NCKAP5L: variants seen among roughly 807,000 people sequenced by gnomAD.
NCKAP5L encodes the protein nck-associated protein 5-like.
A neutral mutation model predicts 103.2 loss-of-function variants in NCKAP5L; 54 were observed. The observed-to-expected ratio is 0.52, with a 90% CI of 0.42 to 0.66. The LOEUF is 0.66. NCKAP5L is among the 30% of genes least tolerant of loss of function. The pLI is 0.00. For synonymous variants in NCKAP5L, 762 were observed against 748.6 expected (o/e 1.02, Z -0.29); for missense variants, 1,733 against 1,750.6 (o/e 0.99, Z 0.18).
chr12:49,820,063 G>A (rs533747036), intron 1 of NCKAP5L, among the ~76,000 whole-genome samples: 4 of 152,302 alleles, frequency 2.6e-5, no homozygotes, highest in African/African-American at 4.8e-5. Context: ...TCCCCTGGCC[G>A]AATTAGGGAG....
chr12:49,795,887 C>A lies in NCKAP5L; in HGVS notation c.1973G>T (p.Ser658Ile). 5 of 1,545,188 alleles carry A rather than the reference C, an allele frequency of 3.2e-6. No homozygotes were observed. The highest frequency in any genetic ancestry group is 4.3e-6 in the Non-Finnish European group (5 of 1,152,334). Residue 658 changes from serine to isoleucine, a missense_variant, in exon 8 of 13, where the codon AGC (serine) becomes ATC (isoleucine). Physicochemically the swap from Ser to Ile is moderately radical, Grantham distance 142. Transcript: ENST00000335999. ...GSGRRPGDPG[S>I]TPLRDRLAAL... is the part of the protein sequence containing the mutation. ...CGCCAGTCTGTCCCGCAGAGGTGTG[C>A]TGCCAGGATCCCCAGGTCGCCGTCC... is the stretch of plus-strand genomic sequence containing the variant.
In NCKAP5L at chr12:49,797,121, C is replaced by A. The variant is rs773696991; in HGVS notation, c.739G>T (p.Gly247Cys). ...PSPWAPCLLL[G>C]PGNLGGLLHW... Reference sequence around the variant, plus strand: ...AGCAGGCCTCCCAGGTTGCCAGGGCCTAGCAGCAGGCAGGGCGCCCAGGGT... The same window carrying A: ...AGCAGGCCTCCCAGGTTGCCAGGGCATAGCAGCAGGCAGGGCGCCCAGGGT... The change falls in exon 8 of 13, where the codon GGC becomes TGC. Residue 247 changes from glycine to cysteine, a missense_variant. Gly to Cys is a radical substitution (Grantham distance 159, BLOSUM62 -3). Transcript: ENST00000335999. This position sits in a 1 kb window ranked among gnomAD's most constrained non-coding sequence, Gnocchi z 4.5. 6.2e-6 allele frequency: 10 copies of A among 1,600,326 alleles called. No individual in the cohort carries two copies. In the South Asian group the frequency reaches 1.1e-4, roughly 18 times the overall value.
At chr12:49,801,239 C>A (rs1269667094) in intron 6 of NCKAP5L, among the ~76,000 whole-genome samples, 1 of 152,190 alleles carries the variant, frequency 6.6e-6, no homozygotes, top group Non-Finnish European at 1.5e-5. Flanking sequence ...ACCTCAGAAA[C>A]AACCTGCTGC....
At position 49,797,430 on chromosome 12, in the gene NCKAP5L, C is replaced by G. The variant is rs745725265; in HGVS notation, c.466-36G>C. 6.8e-7 allele frequency: 1 copy of G among 1,479,352 alleles called. No homozygotes were observed. The highest frequency in any genetic ancestry group is 1.2e-5 in the South Asian group (1 of 80,496). The allele number at this position is 1,479,352 out of a possible 1,614,324, so 91.6% of individuals were successfully genotyped here. A position where few individuals can be genotyped will look rare whatever the true frequency, so the allele number is the denominator to read the frequency against. On this transcript the variant is annotated intron_variant, in intron 7 of 12. Transcript: ENST00000335999. The surrounding 1 kb of genome is among the most constrained non-coding windows in gnomAD (Gnocchi z 4.5). ...AGATGATGGCATGAGGAGGAGACCA[C>G]ACACAGCTGGGATCCAGTTCCAGGC...
intron 1 of NCKAP5L, among the ~76,000 whole-genome samples, chr12:49,823,525 A>G (rs1447383000): frequency 6.6e-6 from 1 of 152,130 alleles, no homozygotes; most frequent in African/African-American, 2.4e-5. Context: ...TTCAGGCTGA[A>G]CTACATGAGA....
At chr12:49,822,333 G>A (rs911620819) in intron 1 of NCKAP5L, among the ~76,000 whole-genome samples, 4 of 152,144 alleles carry the variant, frequency 2.6e-5, no homozygotes, top group African/African-American at 9.7e-5. Flanking sequence ...AGAAACAGGA[G>A]AGCCGACATA....
chr12:49,793,382 C>T lies in NCKAP5L; in HGVS notation c.3310G>A (p.Ala1104Thr). ...REEMPSEDSL[A>T]EPVPTSHFTA... ...AAGTGTGAGGTGGGCACTGGCTCGG[C>T]CAGGCTGTCCTCCGAGGGCATCTCT... The change falls in exon 10 of 13, where the codon GCC (alanine) becomes ACC (threonine). Residue 1104 changes from alanine to threonine, a missense_variant. Physicochemically the swap from Ala to Thr is moderately conservative, Grantham distance 58. Coordinates refer to ENST00000335999, the MANE Select transcript of NCKAP5L (RefSeq NM_001037806.4). The T allele has an allele frequency of 6.2e-7, 1 of 1,608,336 alleles. No homozygotes were observed. Among genetic ancestry groups the T allele is most frequent in the South Asian group, 1.1e-5 (1 of 91,082 alleles).
chr12:49,794,455 G>C (rs1945990986), intron 8 of NCKAP5L, among the ~76,000 whole-genome samples: 1 of 152,182 alleles, frequency 6.6e-6, no homozygotes, highest in African/African-American at 2.4e-5. Context: ...TCAGCCCATA[G>C]TTAGGCTCTA....
rs200582612 is a variant in NCKAP5L, at chr12:49,806,576, A to AG, written c.-98-536dup. ...ATCCAGTTCTCCTAACAACCCTGGA[A>AG]GGGGAGCACCCGCCTGCGGGAGGAG... On this transcript the variant is annotated intron_variant, in intron 1 of 12. Coordinates refer to ENST00000335999, the MANE Select transcript of NCKAP5L (RefSeq NM_001037806.4). Among the ~76,000 whole-genome samples, 938 of 152,348 alleles carry AG rather than the reference A, an allele frequency of 6.2e-3. 9 individuals are homozygous for AG. Among genetic ancestry groups the AG allele is most frequent in the African/African-American group, 0.021 (894 of 41,582 alleles).
Position 49,795,593 on chromosome 12 carries a change from G to C in NCKAP5L, c.2267C>G (p.Ser756Cys), listed in dbSNP as rs767508962. The change falls in exon 8 of 13, where the codon TCC becomes TGC. Residue 756 changes from serine to cysteine, a missense_variant. Coordinates refer to ENST00000335999, the MANE Select transcript of NCKAP5L (RefSeq NM_001037806.4). ...CTCCAGGTCCACCCGGGCCCCCATGGAGTGAGAGGAGTAGACTCGGGCCCC... is the reference window on the plus strand; with the variant it reads ...CTCCAGGTCCACCCGGGCCCCCATGCAGTGAGAGGAGTAGACTCGGGCCCC... ...DPGARVYSSH[S>C]MGARVDLEPV... is the part of the protein sequence containing the mutation. 22 of 1,575,262 alleles carry C rather than the reference G, an allele frequency of 1.4e-5. No individual in the cohort carries two copies. Among genetic ancestry groups the C allele is most frequent in the Non-Finnish European group, 1.9e-5 (22 of 1,162,114 alleles).
At chr12:49,804,297 A>G (rs1441746557) in intron 2 of NCKAP5L, 1 of 319,466 alleles carries the variant, frequency 3.1e-6, no homozygotes, top group South Asian at 6.3e-5. Context: ...CCATACTCAC[A>G]CAAGAAACCT....
chr12:49,793,507 G>T, intron 9 of NCKAP5L, 74 bp from the exon 10 acceptor site: 2 of 1,487,832 alleles, frequency 1.3e-6, no homozygotes, highest in Non-Finnish European at 1.9e-6. Context: ...CTAGAGGGTG[G>T]GAATGTGTCT....
At chr12:49,794,431 G>A (rs1340216735) in intron 8 of NCKAP5L, among the ~76,000 whole-genome samples, 1 of 152,122 alleles carries the variant, frequency 6.6e-6, no homozygotes, top group Non-Finnish European at 1.5e-5. Flanking sequence ...CTTTCCTGAG[G>A]GAGAAGACCT....
Position 49,796,193 on chromosome 12 carries a change from TAGC to T in NCKAP5L, c.1664_1666del (p.Cys555del). On this transcript the variant is annotated inframe_deletion, in exon 8 of 13. Transcript: ENST00000335999. ...CCGAGAAAGGTCCAGAATGTTCTCATAGCAGGGAGACACCACTGGGCCTGGGGA... is the reference window on the plus strand; with the variant it reads ...CCGAGAAAGGTCCAGAATGTTCTCATAGGGAGACACCACTGGGCCTGGGGA... 6.2e-7 allele frequency: 1 copy of T among 1,603,364 alleles called. No individual in the cohort carries two copies. Among genetic ancestry groups the T allele is most frequent in the South Asian group, 1.1e-5 (1 of 89,490 alleles).
At position 49,796,307 on chromosome 12, in the gene NCKAP5L, C is replaced by A; in HGVS notation, c.1553G>T (p.Gly518Val). 1.3e-6 allele frequency: 2 copies of A among 1,543,348 alleles called. No homozygotes were observed. ...GGELSPEGAQ[G>V]LPTSPSPCYT... ...GCAGGGTGAAGGGCTGGTGGGCAGG[C>A]CTTGCGCCCCCTCTGGGGACAGCTC... Residue 518 changes from glycine (G) to valine (V), a missense_variant, in exon 8 of 13, where the codon GGC (glycine) becomes GTC (valine). Coordinates refer to ENST00000335999, the MANE Select transcript of NCKAP5L (RefSeq NM_001037806.4).
In NCKAP5L at chr12:49,795,064, G is replaced by T; in HGVS notation, c.2796C>A (p.Asn932Lys). 1.2e-6 allele frequency: 2 copies of T among 1,611,474 alleles called. No homozygotes were observed. Among genetic ancestry groups the T allele is most frequent in the Non-Finnish European group, 1.7e-6 (2 of 1,179,008 alleles). ...GLKKSKLPAL[N>K]RRTEATKNKE... ...TGTTCTTGGTGGCCTCTGTGCGGCG[G>T]TTCAGCGCTGGCAGCTTGCTCTTCT... Residue 932 changes from asparagine to lysine, a missense_variant, in exon 8 of 13, where the codon AAC becomes AAA. Asn to Lys is a moderately conservative substitution (Grantham distance 94). Coordinates refer to ENST00000335999, the MANE Select transcript of NCKAP5L (RefSeq NM_001037806.4).
rs1243613597 is a variant in NCKAP5L, at chr12:49,797,900, C to T, written c.465+450G>A. On this transcript the variant is annotated intron_variant, in intron 7 of 12. Coordinates refer to ENST00000335999, the MANE Select transcript of NCKAP5L (RefSeq NM_001037806.4). The surrounding 1 kb of genome is among the most constrained non-coding windows in gnomAD (Gnocchi z 4.5). ...CAGCAGAAAGGGGTTGGGGGTGACGCCATGCCCAGCCCTTTCTCAGGTGTA... is the reference window on the plus strand; with the variant it reads ...CAGCAGAAAGGGGTTGGGGGTGACGTCATGCCCAGCCCTTTCTCAGGTGTA... Among the ~76,000 whole-genome samples, 3 of 152,168 alleles carry T rather than the reference C, an allele frequency of 2.0e-5. No individual in the cohort carries two copies. The highest frequency in any genetic ancestry group is 2.9e-5 in the Non-Finnish European group (2 of 68,030).
rs754812721 is a variant in NCKAP5L, at chr12:49,795,120, T to C, written c.2740A>G (p.Thr914Ala). The C allele has an allele frequency of 6.2e-7, 1 of 1,613,192 alleles. No homozygotes were observed. The highest frequency in any genetic ancestry group is 2.2e-5 in the East Asian group (1 of 44,832). Reference sequence around the variant, plus strand: ...CCGAACCAGCTGGCGATGCTGCTGGTGTTGCGGTGCTTGACCTCGGCGCCA... The same window carrying C: ...CCGAACCAGCTGGCGATGCTGCTGGCGTTGCGGTGCTTGACCTCGGCGCCA... ...APGAEVKHRN[T>A]SSIASWFGLK... Residue 914 changes from threonine to alanine, a missense_variant, in exon 8 of 13, where the codon ACC becomes GCC. Physicochemically the swap from Thr to Ala is moderately conservative, Grantham distance 58 (BLOSUM62 0). Coordinates refer to ENST00000335999, the MANE Select transcript of NCKAP5L (RefSeq NM_001037806.4).
Position 49,792,197 on chromosome 12 carries a change from A to AG in NCKAP5L, c.3793-147dup, listed in dbSNP as rs1228625408. On this transcript the variant is annotated intron_variant, in intron 12 of 12. Coordinates refer to ENST00000335999, the MANE Select transcript of NCKAP5L (RefSeq NM_001037806.4). The surrounding 1 kb of genome is among the most constrained non-coding windows in gnomAD (Gnocchi z 4.5). Reference sequence around the variant, plus strand: ...AGGTGGGGTATACTTCAGAGGAAACAGGCTGGAGGTACAACTGAGAACAGT... The same window carrying AG: ...AGGTGGGGTATACTTCAGAGGAAACAGGGCTGGAGGTACAACTGAGAACAGT... 15 of 1,036,068 alleles carry AG rather than the reference A, an allele frequency of 1.4e-5. No homozygotes were observed. Among genetic ancestry groups the AG allele is most frequent in the Non-Finnish European group, 2.1e-5 (15 of 703,736 alleles). 64.2% of individuals were successfully genotyped at this position (1,036,068 alleles called of 1,614,324 possible).
Sources: allele counts gnomAD v4.1 joint callset (sites outside exome capture counted in the v4.1 genomes callset), GRCh38; gene constraint gnomAD v4.1.1; non-coding constraint Gnocchi (gnomAD v3.1); transcripts MANE v1.5; gene names NCBI Gene and HGNC (gene_info 2026-07-23, HGNC 2026-07-21).